Variants in FBXO31 observed in about 807,000 individuals in gnomAD.
FBXO31 encodes the protein F-box only protein 31.
A neutral mutation model predicts 54.4 loss-of-function variants in FBXO31; 24 were observed. That is an observed-to-expected ratio of 0.44 (90% CI 0.32 to 0.62). The LOEUF is 0.62. Ranked by LOEUF, FBXO31 falls within the 20% of genes least tolerant of loss-of-function variation. The pLI is 0.05. For missense variants in FBXO31, 665 were observed against 787.1 expected, an observed-to-expected ratio of 0.84 and a Z score of 1.86; for synonymous variants, 388 against 335.6, an observed-to-expected ratio of 1.16 and a Z score of -1.71.
intron 5 of FBXO31, among the ~76,000 whole-genome samples, chr16:87,342,392 C>T (rs999933476): frequency 6.6e-6 from 1 of 152,152 alleles, no homozygotes; most frequent in Admixed American, 6.5e-5. Context: ...AGACTTAGAT[C>T]CTTGAAAGCT....
chr16:87,332,228 C>T (rs1158732511), intron 8 of FBXO31, among the ~76,000 whole-genome samples: 1 of 152,248 alleles, frequency 6.6e-6, no homozygotes, highest in Non-Finnish European at 1.5e-5. Context: ...CAGGTGCAGC[C>T]ATCGGCACTG....
rs565440154 is a variant in FBXO31, at chr16:87,336,798, T to C, written c.733-534A>G. ...TCCTTTTTCAAAGGAAAAGCAGGTA[T>C]GTTAAGGCGGTTCCCAAAAACTCCG... On this transcript the variant is annotated intron_variant, in intron 5 of 8. Coordinates refer to ENST00000311635, the MANE Select transcript of FBXO31 (RefSeq NM_024735.5). This position sits in a 1 kb window ranked among gnomAD's most constrained non-coding sequence, Gnocchi z 6.5. Among the ~76,000 whole-genome samples, 2 of 152,302 alleles carry C rather than the reference T, an allele frequency of 1.3e-5. No individual in the cohort carries two copies. Among genetic ancestry groups the C allele is most frequent in the South Asian group, 2.1e-4 (1 of 4,830 alleles).
rs1161383655 is a variant in FBXO31, at chr16:87,329,496, A to G, written c.*1792T>C. 6.6e-6 allele frequency: 1 copy of G among 152,306 alleles called. No individual in the cohort carries two copies. The highest frequency in any genetic ancestry group is 6.5e-5 in the Admixed American group (1 of 15,292). The allele number at this position is 152,306 out of a possible 1,614,324, so 9.4% of individuals were successfully genotyped here. The stretch of plus-strand genomic sequence containing the variant: ...TTATTTAAACAATGGTGAATCTTCA[A>G]GGTGCCAGTCTACATGCCCAACAGT... On this transcript the variant is annotated 3_prime_UTR_variant, in exon 9 of 9. Coordinates refer to ENST00000311635, the MANE Select transcript of FBXO31 (RefSeq NM_024735.5).
Position 87,369,533 on chromosome 16 carries a change from T to C in FBXO31, c.341-9167A>G, listed in dbSNP as rs139328474. On this transcript the variant is annotated intron_variant, in intron 1 of 8. Coordinates refer to ENST00000311635, the MANE Select transcript of FBXO31 (RefSeq NM_024735.5). ...CCTTCCTTTTTAAGAATGGATTGTATTCCAGCCTGCAGGGACCACGCTGTG... is the reference window on the plus strand; with the variant it reads ...CCTTCCTTTTTAAGAATGGATTGTACTCCAGCCTGCAGGGACCACGCTGTG... 5.5e-3 allele frequency among the ~76,000 whole-genome samples: 834 copies of C among 152,344 alleles called. 8 individuals carry two copies. Among genetic ancestry groups the C allele is most frequent in the African/African-American group, 0.019 (807 of 41,576 alleles).
intron 2 of FBXO31, among the ~76,000 whole-genome samples, chr16:87,354,752 G>C (rs547600798): frequency 5.9e-4 from 90 of 152,306 alleles, no homozygotes; most frequent in African/African-American, 2.0e-3. Flanking sequence ...TGGATCACCT[G>C]AGGTCAGGAG....
rs565868705 is a variant in FBXO31, at chr16:87,346,507, C to T, written c.489+667G>A. Reference sequence around the variant, plus strand: ...CCATGATCAAGTACCCAGGACTAGACAGGCACTGCCATGGCAGACCCAACG... The same window carrying T: ...CCATGATCAAGTACCCAGGACTAGATAGGCACTGCCATGGCAGACCCAACG... On this transcript the variant is annotated intron_variant, in intron 3 of 8. Transcript: ENST00000311635. This position sits in a 1 kb window ranked among gnomAD's most constrained non-coding sequence, Gnocchi z 4.2. 3.5e-4 allele frequency among the ~76,000 whole-genome samples: 53 copies of T among 152,354 alleles called. No individual in the cohort carries two copies. The highest frequency in any genetic ancestry group is 1.6e-4 in the Non-Finnish European group (11 of 68,036).
rs1347340847 is a variant in FBXO31, at chr16:87,335,874, G to C, written c.842+281C>G. ...AGATAAAAACAGACACCCGGGTGAA[G>C]GATGGGGTCTGGGGCTGTGCCACAG... On this transcript the variant is annotated intron_variant, in intron 6 of 8. Transcript: ENST00000311635. The surrounding 1 kb of genome is among the most constrained non-coding windows in gnomAD (Gnocchi z 5.7). Among the ~76,000 whole-genome samples, 1 of 152,152 alleles carries C rather than the reference G, an allele frequency of 6.6e-6. No individual in the cohort carries two copies. The highest frequency in any genetic ancestry group is 2.4e-5 in the African/African-American group (1 of 41,428).
At position 87,383,043 on chromosome 16, in the gene FBXO31, C is replaced by G. The variant is rs574783654; in HGVS notation, c.340+362G>C. 6.6e-6 allele frequency among the ~76,000 whole-genome samples: 1 copy of G among 152,286 alleles called. No homozygotes were observed. The highest frequency in any genetic ancestry group is 2.4e-5 in the African/African-American group (1 of 41,580). On this transcript the variant is annotated intron_variant, in intron 1 of 8. Transcript: ENST00000311635. This position sits in a 1 kb window ranked among gnomAD's most constrained non-coding sequence, Gnocchi z 4.9. Reference sequence around the variant, plus strand: ...GGCGGCCCCCAGGCGTCAGCTTAGGCCCCGCGCAGACCTCGAGGGATCCCA... The same window carrying G: ...GGCGGCCCCCAGGCGTCAGCTTAGGGCCCGCGCAGACCTCGAGGGATCCCA...
chr16:87,371,547 T>G (rs534245523), intron 1 of FBXO31, among the ~76,000 whole-genome samples: 16 of 152,392 alleles, frequency 1.0e-4, no homozygotes, highest in East Asian at 7.7e-4. Flanking sequence ...CGTGGCTAAT[T>G]CTCTCCATCA....
At chr16:87,365,677 A>C (rs1906336091) in intron 1 of FBXO31, among the ~76,000 whole-genome samples, 2 of 152,244 alleles carry the variant, frequency 1.3e-5, no homozygotes, top group African/African-American at 4.8e-5. Context: ...AATTTCTGGA[A>C]AAGTTCTGAG....
At chr16:87,375,889 C>A (rs770528290) in intron 1 of FBXO31, among the ~76,000 whole-genome samples, 1 of 152,178 alleles carries the variant, frequency 6.6e-6, no homozygotes, top group Non-Finnish European at 1.5e-5. Flanking sequence ...TTTAACCCAC[C>A]AGCTCCAAGC....
intron 1 of FBXO31, among the ~76,000 whole-genome samples, chr16:87,374,607 C>A (rs995599790): frequency 1.3e-5 from 2 of 152,180 alleles, no homozygotes; most frequent in South Asian, 4.1e-4. Context: ...AGGCTTACAA[C>A]AGACAAAAAT....
At chr16:87,352,243 C>T (rs1905694082) in intron 2 of FBXO31, among the ~76,000 whole-genome samples, 1 of 152,160 alleles carries the variant, frequency 6.6e-6, no homozygotes, top group Non-Finnish European at 1.5e-5. Context: ...GGAGGCTAAA[C>T]AACTACACAG....
intron 1 of FBXO31, among the ~76,000 whole-genome samples, chr16:87,377,718 T>A (rs1906885009): frequency 6.9e-6 from 1 of 144,464 alleles, no homozygotes; most frequent in African/African-American, 2.6e-5. Flanking sequence ...ACTCCCAGCT[T>A]CTTGGGAGGC....
intron 5 of FBXO31, among the ~76,000 whole-genome samples, chr16:87,337,029 G>A (rs376664755): frequency 1.3e-4 from 20 of 152,174 alleles, no homozygotes; most frequent in Admixed American, 3.3e-4. Context: ...ATGGTCAATC[G>A]CTTTCATACA....
In FBXO31 at chr16:87,347,205, A is replaced by G. The variant is rs1351774865; in HGVS notation, c.458T>C (p.Ile153Thr). ...GTTCAGCAGTCCTCCGTATGGCCCGATATCTGGCTGCCACAATCCCAAAAT... is the reference window on the plus strand; with the variant it reads ...GTTCAGCAGTCCTCCGTATGGCCCGGTATCTGGCTGCCACAATCCCAAAAT... The part of the protein sequence containing the change: ...RHILGLWQPD[I>T]GPYGGLLNVV... The change falls in exon 3 of 9, where the codon ATC (isoleucine) becomes ACC (threonine). Residue 153 changes from isoleucine (I) to threonine (T), a missense_variant. Transcript: ENST00000311635. The G allele has an allele frequency of 6.2e-7, 1 of 1,614,116 alleles. No individual in the cohort carries two copies. Among genetic ancestry groups the G allele is most frequent in the Non-Finnish European group, 8.5e-7 (1 of 1,180,008 alleles).
At chr16:87,377,188 T>C (rs1906859890) in intron 1 of FBXO31, among the ~76,000 whole-genome samples, 1 of 152,234 alleles carries the variant, frequency 6.6e-6, no homozygotes, top group Admixed American at 6.5e-5. Flanking sequence ...CTCACGCCAG[T>C]AATCCTAGCA....
chr16:87,377,633 G>A (rs555725046), intron 1 of FBXO31, among the ~76,000 whole-genome samples: 17 of 151,904 alleles, frequency 1.1e-4, no homozygotes, highest in African/African-American at 2.7e-4. Context: ...CAAGACCAGC[G>A]GGGGCAACAC....
rs1208615059 is a variant in FBXO31 at position 87,383,366 on chromosome 16, CCCCCGCCCCTCCCGG to C, written c.340+24_340+38del. 7.0e-7 allele frequency: 1 copy of C among 1,422,852 alleles called. No homozygotes were observed. The highest frequency in any genetic ancestry group is 1.3e-5 in the South Asian group (1 of 79,972). 88.1% of individuals were successfully genotyped at this position (1,422,852 alleles called of 1,614,324 possible). A position where few individuals can be genotyped will look rare whatever the true frequency, so the allele number is the denominator to read the frequency against. Reference sequence around the variant, plus strand: ...TCCGAGGCCTCCACCTGGCAGGGACCCCCCGCCCCTCCCGGCCCCGCCACCCCCGCGCGCTCACCC... The same window carrying C: ...TCCGAGGCCTCCACCTGGCAGGGACCCCCCGCCACCCCCGCGCGCTCACCC... On this transcript the variant is annotated intron_variant, in intron 1 of 8. Transcript: ENST00000311635. The surrounding 1 kb of genome is among the most constrained non-coding windows in gnomAD (Gnocchi z 4.9).
Sources: allele counts gnomAD v4.1 joint callset (sites outside exome capture counted in the v4.1 genomes callset), GRCh38; gene constraint gnomAD v4.1.1; non-coding constraint Gnocchi (gnomAD v3.1); transcripts MANE v1.5; gene names NCBI Gene and HGNC (gene_info 2026-07-23, HGNC 2026-07-21).